The following EPHA3 variants were observed in gnomAD, a reference collection of about 807,000 sequenced individuals.
EPHA3 encodes the protein EPH receptor A3.
EPHA3 carries 42 observed loss-of-function variants against 107.1 expected under a neutral mutation model. That is an observed-to-expected ratio of 0.39 (90% CI 0.31 to 0.51). The LOEUF is 0.51. Ranked by LOEUF, EPHA3 falls within the 20% of genes least tolerant of loss-of-function variation. The pLI is 0.78. For synonymous variants in EPHA3, 461 were observed against 424.8 expected (o/e 1.09, Z -1.05); for missense variants, 1,183 against 1,211.2 (o/e 0.98, Z 0.35).
Position 89,148,602 on chromosome 3 carries a change from A to G in EPHA3, c.153+21329A>G, listed in dbSNP as rs191879884. Among the ~76,000 whole-genome samples, 27 of 152,056 alleles carry G rather than the reference A, an allele frequency of 1.8e-4. 1 individual carries two copies. The East Asian group carries it at 4.9e-3, about 27-fold the overall frequency. ...TTATCAGGGAAAATTGTGCTTTTAA[A>G]CTTTGTGATGACATATGCTTTTAAG... On this transcript the variant is annotated intron_variant, in intron 2 of 16. Coordinates refer to ENST00000336596, the MANE Select transcript of EPHA3 (RefSeq NM_005233.6).
intron 2 of EPHA3, among the ~76,000 whole-genome samples, chr3:89,131,766 A>G (rs1233988442): frequency 6.6e-6 from 1 of 152,208 alleles, no homozygotes; most frequent in Non-Finnish European, 1.5e-5. Context: ...TTGTGGAATT[A>G]AAGTTTCTTT....
rs56370135 is a variant in EPHA3 at position 89,422,192 on chromosome 3, A to AACACACAC, written c.2074+2836_2074+2843dup. 2.9e-3 allele frequency among the ~76,000 whole-genome samples: 411 copies of AACACACAC among 140,556 alleles called. 2 individuals carry two copies. The highest frequency in any genetic ancestry group is 9.0e-3 in the African/African-American group (345 of 38,214). The allele number at this position is 140,556 out of a possible 152,430, so 92.2% of individuals were successfully genotyped here. ...ACAATAAAGTTGATATGTTGTATTT[A>AACACACAC]ACACACACACACACACACACACACA... On this transcript the variant is annotated intron_variant, in intron 11 of 16. Coordinates refer to ENST00000336596, the MANE Select transcript of EPHA3 (RefSeq NM_005233.6).
intron 3 of EPHA3, among the ~76,000 whole-genome samples, chr3:89,260,290 T>C (rs942360026): frequency 1.3e-5 from 2 of 152,160 alleles, no homozygotes; most frequent in African/African-American, 2.4e-5. Flanking sequence ...ACAGTGTACA[T>C]TTTCACCCAC....
At chr3:89,326,627 A>C (rs1228979229) in intron 3 of EPHA3, among the ~76,000 whole-genome samples, 1 of 151,736 alleles carries the variant, frequency 6.6e-6, no homozygotes, top group East Asian at 1.9e-4. Flanking sequence ...AGAGCTCAAG[A>C]GATCCACCTG....
intron 5 of EPHA3, among the ~76,000 whole-genome samples, chr3:89,388,913 C>A (rs1417214146): frequency 5.3e-5 from 8 of 152,080 alleles, no homozygotes; most frequent in African/African-American, 1.7e-4. Flanking sequence ...ACTAAATCAT[C>A]AAAATGTATA....
At position 89,176,999 on chromosome 3, in the gene EPHA3, G is replaced by A. The variant is rs180970565; in HGVS notation, c.154-32861G>A. 9.2e-3 allele frequency among the ~76,000 whole-genome samples: 1,393 copies of A among 151,330 alleles called. 15 individuals are homozygous for A. Among genetic ancestry groups the A allele is most frequent in the Non-Finnish European group, 0.012 (789 of 67,776 alleles). On this transcript the variant is annotated intron_variant, in intron 2 of 16. Transcript: ENST00000336596. The stretch of plus-strand genomic sequence containing the variant: ...ACATATCTCACACACACACACACAC[G>A]GTTTTCTTAGACATTGACTAATTTG...
chr3:89,331,113 G>A (rs937148762), intron 3 of EPHA3, among the ~76,000 whole-genome samples: 1 of 152,122 alleles, frequency 6.6e-6, no homozygotes, highest in African/African-American at 2.4e-5. Context: ...GAGTGTGCAA[G>A]TGTGCAATGT....
intron 13 of EPHA3, among the ~76,000 whole-genome samples, chr3:89,433,788 A>G (rs1006120877): frequency 1.3e-5 from 2 of 152,200 alleles, no homozygotes; most frequent in Non-Finnish European, 2.9e-5. Context: ...TCTGAACATG[A>G]TGAAATTGCC....
intron 2 of EPHA3, among the ~76,000 whole-genome samples, chr3:89,131,451 G>A (rs1369389445): frequency 6.6e-6 from 1 of 152,110 alleles, no homozygotes; most frequent in Non-Finnish European, 1.5e-5. Flanking sequence ...TACTTAAATT[G>A]ATTGATTGAT....
intron 15 of EPHA3, among the ~76,000 whole-genome samples, chr3:89,469,208 T>C (rs1710353066): frequency 2.0e-5 from 3 of 152,212 alleles, no homozygotes; most frequent in South Asian, 2.1e-4. Flanking sequence ...TTGAGTTTAG[T>C]CTAGTGGACA....
chr3:89,136,708 A>C (rs1704323679), intron 2 of EPHA3, among the ~76,000 whole-genome samples: 1 of 151,822 alleles, frequency 6.6e-6, no homozygotes, highest in African/African-American at 2.4e-5. Context: ...CTCCAGCTTT[A>C]CTCATGAATT....
intron 2 of EPHA3, among the ~76,000 whole-genome samples, chr3:89,131,489 C>G (rs971804197): frequency 6.6e-6 from 1 of 152,098 alleles, no homozygotes; most frequent in East Asian, 1.9e-4. Context: ...CTATCTACCA[C>G]GTAAACTTTC....
intron 3 of EPHA3, among the ~76,000 whole-genome samples, chr3:89,233,174 T>TAC (rs1704676940): frequency 6.6e-6 from 1 of 152,146 alleles, no homozygotes; most frequent in Non-Finnish European, 1.5e-5. Context: ...TATATATATA[T>TAC]ACACGCACAT....
intron 15 of EPHA3, among the ~76,000 whole-genome samples, chr3:89,471,027 C>T (rs531382802): frequency 3.3e-5 from 5 of 152,236 alleles, no homozygotes; most frequent in African/African-American, 1.2e-4. Context: ...TGTTATTATT[C>T]ATCCAAAACT....
Position 89,195,014 on chromosome 3 carries a change from C to T in EPHA3, c.154-14846C>T, listed in dbSNP as rs573754405. Among the ~76,000 whole-genome samples, 19 of 152,090 alleles carry T rather than the reference C, an allele frequency of 1.2e-4. No individual in the cohort carries two copies. In the East Asian group the frequency reaches 1.9e-3, roughly 15 times the overall value. ...CACAAGCATTTCATAATACAGTTTC[C>T]GACATTTCATTTTTCTTGTATTTTT... On this transcript the variant is annotated intron_variant, in intron 2 of 16. Coordinates refer to ENST00000336596, the MANE Select transcript of EPHA3 (RefSeq NM_005233.6).
chr3:89,322,409 T>G (rs1023510210), intron 3 of EPHA3, among the ~76,000 whole-genome samples: 3 of 152,032 alleles, frequency 2.0e-5, no homozygotes, highest in Non-Finnish European at 2.9e-5. Context: ...CAACATGATA[T>G]AAATTTGGAC....
At chr3:89,137,022 A>G (rs1315823776) in intron 2 of EPHA3, among the ~76,000 whole-genome samples, 16 of 151,954 alleles carry the variant, frequency 1.1e-4, no homozygotes, top group African/African-American at 3.6e-4. Flanking sequence ...CACAGTTATT[A>G]AAATAAAAGT....
chr3:89,359,724 TAC>T (rs1440114170), intron 5 of EPHA3, among the ~76,000 whole-genome samples: 26 of 146,402 alleles, frequency 1.8e-4, no homozygotes, highest in African/African-American at 6.5e-4. Context: ...TATATATATA[TAC>T]ATACATATAT....
chr3:89,338,579 C>T (rs1161811920), intron 3 of EPHA3, among the ~76,000 whole-genome samples: 2 of 152,216 alleles, frequency 1.3e-5, no homozygotes, highest in Non-Finnish European at 2.9e-5. Context: ...GACGGAGTCT[C>T]GCTCTGTCGC....
Sources: gnomAD v4.1 joint callset for allele counts (sites outside exome capture counted in the v4.1 genomes callset) on GRCh38, gnomAD v4.1.1 for gene constraint, MANE v1.5 for transcripts, NCBI Gene and HGNC (gene_info 2026-07-23, HGNC 2026-07-21) for gene names.